Variants in DAAM2 observed in about 807,000 individuals in gnomAD.
The protein encoded by DAAM2 is dishevelled associated activator of morphogenesis 2, also known as disheveled-associated activator of morphogenesis 2.
In DAAM2, 39 loss-of-function variants were observed where a neutral mutation model predicts 120.7. The observed-to-expected ratio is 0.32, with a 90% CI of 0.25 to 0.42. The LOEUF (loss-of-function observed/expected upper bound fraction) is 0.42. Ranked by LOEUF, DAAM2 falls within the 10% of genes least tolerant of loss-of-function variation. The probability of loss-of-function intolerance (pLI) is 1.00; values close to 1 mark genes in which losing one functional copy is unlikely to be tolerated. For missense variants in DAAM2, 1,283 were observed against 1,401.7 expected (o/e 0.92, Z 1.35); for synonymous variants, 488 against 524.9 (o/e 0.93, Z 0.96).
At chr6:39,846,599 A>G (rs573556705) in intron 1 of DAAM2, among the ~76,000 whole-genome samples, 22 of 152,222 alleles carry the variant, frequency 1.4e-4, no homozygotes, top group Non-Finnish European at 2.6e-4. Flanking sequence ...GTTTATGAGC[A>G]GAAGGTTTAG....
Position 39,903,398 on chromosome 6 carries a change from T to C in DAAM2, c.*1361T>C, listed in dbSNP as rs1422612408. ...GTTCTTCAGCCCAACTTGCAAGGGGTTCCTTCTGGTCCTCCCATCCACTGC... is the reference window on the plus strand; with the variant it reads ...GTTCTTCAGCCCAACTTGCAAGGGGCTCCTTCTGGTCCTCCCATCCACTGC... On this transcript the variant is annotated 3_prime_UTR_variant, in exon 25 of 25. Coordinates refer to ENST00000274867, the MANE Select transcript of DAAM2 (RefSeq NM_001201427.2). 6.6e-6 allele frequency: 1 copy of C among 152,208 alleles called. No individual in the cohort carries two copies. The highest frequency in any genetic ancestry group is 1.9e-4 in the East Asian group (1 of 5,198). 9.4% of individuals were successfully genotyped at this position (152,208 alleles called of 1,614,324 possible).
intron 1 of DAAM2, among the ~76,000 whole-genome samples, chr6:39,810,412 A>G (rs1168820780): frequency 1.3e-5 from 2 of 152,250 alleles, no homozygotes; most frequent in Non-Finnish European, 2.9e-5. Context: ...ATTCTAAGCA[A>G]CAAGCCACTT....
At chr6:39,834,194 C>G (rs1157926531) in intron 1 of DAAM2, among the ~76,000 whole-genome samples, 1 of 152,080 alleles carries the variant, frequency 6.6e-6, no homozygotes, top group African/African-American at 2.4e-5. Flanking sequence ...GTTGGCTCCA[C>G]CAGGGGTAAA....
intron 21 of DAAM2, among the ~76,000 whole-genome samples, chr6:39,897,657 C>T (rs1361115279): frequency 6.6e-6 from 1 of 152,118 alleles, no homozygotes; most frequent in Admixed American, 6.5e-5. Flanking sequence ...CTGAGTGGTC[C>T]TCTGGGTGCA....
In DAAM2 at chr6:39,883,757, G is replaced by C. The variant is rs1340566459; in HGVS notation, c.1846-205G>C. On this transcript the variant is annotated intron_variant, in intron 14 of 24. Transcript: ENST00000274867. Reference sequence around the variant, plus strand: ...TGGCTCCATGCACAAGGGAGGAAAAGGGGGTTGTCTCTGGCCTCTACCCTG... The same window carrying C: ...TGGCTCCATGCACAAGGGAGGAAAACGGGGTTGTCTCTGGCCTCTACCCTG... The C allele has an allele frequency of 9.2e-6, 5 of 541,774 alleles. No homozygotes were observed. The South Asian group carries it at 1.4e-4, about 16-fold the overall frequency. 33.6% of individuals were successfully genotyped at this position (541,774 alleles called of 1,614,324 possible).
rs3004071 is a variant in DAAM2, at chr6:39,902,237, T to C, written c.*200T>C. 270,756 of 457,156 alleles carry C rather than the reference T, an allele frequency of 0.59. 82,204 individuals are homozygous for C. Among genetic ancestry groups the C allele is most frequent in the East Asian group, 0.83 (24,053 of 28,920 alleles). 28.3% of individuals were successfully genotyped at this position (457,156 alleles called of 1,614,324 possible). A position where few individuals can be genotyped will look rare whatever the true frequency, so the allele number is the denominator to read the frequency against. ...GGGCTCCTCTTATCTCCCCTTCACA[T>C]GATTCCTTCTGTGCCCTGGCCCCAG... On this transcript the variant is annotated 3_prime_UTR_variant, in exon 25 of 25. Coordinates refer to ENST00000274867, the MANE Select transcript of DAAM2 (RefSeq NM_001201427.2).
chr6:39,869,753 CTTTTTTTTTTTT>C (rs531295826), intron 7 of DAAM2, among the ~76,000 whole-genome samples: 2 of 102,036 alleles, frequency 2.0e-5, no homozygotes, highest in Admixed American at 1.1e-4. Flanking sequence ...CGCCAGCATA[CTTTTTTTTTTTT>C]TTTTTTTTTT....
intron 5 of DAAM2, chr6:39,867,194 C>G (rs998298786): frequency 3.2e-6 from 1 of 309,796 alleles, no homozygotes; most frequent in Non-Finnish European, 6.1e-6. Flanking sequence ...AATCTCCATC[C>G]TCACTGGAGA....
chr6:39,861,298 ACT>A (rs983852510), intron 3 of DAAM2: 20 of 467,178 alleles, frequency 4.3e-5, no homozygotes, highest in African/African-American at 3.9e-4. Context: ...CAGAGTCTGG[ACT>A]CTCTCGTGCC....
In DAAM2 at chr6:39,817,981, C is replaced by T. The variant is rs141159938; in HGVS notation, c.-57+25516C>T. Among the ~76,000 whole-genome samples the T allele has an allele frequency of 6.0e-3, 911 of 152,094 alleles. 6 individuals carry two copies. The highest frequency in any genetic ancestry group is 0.014 in the Middle Eastern group (4 of 294). On this transcript the variant is annotated intron_variant, in intron 1 of 24. Coordinates refer to ENST00000274867, the MANE Select transcript of DAAM2 (RefSeq NM_001201427.2). ...ATCACCTGAGGTCAGGAGTTTGAGA[C>T]GAGTCTGGCCAGCATGGTGAATTCC...
intron 1 of DAAM2, among the ~76,000 whole-genome samples, chr6:39,852,573 G>A (rs1320690307): frequency 6.6e-6 from 1 of 152,218 alleles, no homozygotes; most frequent in Non-Finnish European, 1.5e-5. Context: ...TGGCGATGAT[G>A]GGAATGGAGG....
chr6:39,889,947 G>A (rs1582748445), intron 17 of DAAM2, among the ~76,000 whole-genome samples: 1 of 152,230 alleles, frequency 6.6e-6, no homozygotes, highest in South Asian at 2.1e-4. Context: ...GGCCAGTATG[G>A]TGAGACCCCA....
intron 14 of DAAM2, 70 bp downstream of exon 14, chr6:39,879,547 G>A (rs763961549): frequency 1.9e-5 from 31 of 1,595,914 alleles, no homozygotes; most frequent in Middle Eastern, 1.7e-4. Flanking sequence ...GGGACCACCC[G>A]CCCCTTGTTT....
chr6:39,893,361 C>CA (rs954508775), intron 19 of DAAM2, among the ~76,000 whole-genome samples: 102 of 151,960 alleles, frequency 6.7e-4, no homozygotes, highest in Middle Eastern at 6.8e-3. Flanking sequence ...CTAAAAAATA[C>CA]AAAAAAATTA....
chr6:39,842,259 T>A (rs145595083), intron 1 of DAAM2, among the ~76,000 whole-genome samples: 1 of 152,336 alleles, frequency 6.6e-6, no homozygotes, highest in Non-Finnish European at 1.5e-5. Context: ...ACTGAGGACC[T>A]GCTGCACACA....
Position 39,798,695 on chromosome 6 carries a change from CTG to C in DAAM2, c.-57+6232_-57+6233del, listed in dbSNP as rs376300172. ...AAATCTAGTCTCAAGAACAGTGCAC[CTG>C]TATACATAGTTCTTTCTACCTGAAA... On this transcript the variant is annotated intron_variant, in intron 1 of 24. Coordinates refer to ENST00000274867, the MANE Select transcript of DAAM2 (RefSeq NM_001201427.2). Among the ~76,000 whole-genome samples the C allele has an allele frequency of 3.0e-3, 450 of 152,284 alleles. 3 individuals are homozygous for C. The highest frequency in any genetic ancestry group is 0.025 in the South Asian group (120 of 4,822).
rs774422861 is a variant in DAAM2, at chr6:39,865,033, C to T, written c.387C>T (p.Val129=). The change falls in exon 5 of 25, where the codon GTC becomes GTT. Residue 129 remains valine (V), a synonymous_variant. Coordinates refer to ENST00000274867, the MANE Select transcript of DAAM2 (RefSeq NM_001201427.2). ...DEEETEMRNQ[V]VEDLKTALRT... ...AGGAGACGGAGATGAGGAACCAAGT[C>T]GTGGAAGACCTGAAGACAGCCCTCC... The T allele has an allele frequency of 8.1e-6, 13 of 1,606,510 alleles. No homozygotes were observed. Among genetic ancestry groups the T allele is most frequent in the South Asian group, 5.6e-5 (5 of 89,084 alleles).
At chr6:39,796,958 G>C (rs572284639) in intron 1 of DAAM2, among the ~76,000 whole-genome samples, 35 of 152,292 alleles carry the variant, frequency 2.3e-4, no homozygotes, top group African/African-American at 8.4e-4. Flanking sequence ...TTCTAAGTCC[G>C]TGAAAATACA....
chr6:39,852,614 C>T (rs777011340), intron 1 of DAAM2, among the ~76,000 whole-genome samples: 2 of 152,220 alleles, frequency 1.3e-5, no homozygotes, highest in South Asian at 2.1e-4. Flanking sequence ...CCTCTAGTGT[C>T]GCCCAGTGTG....
Sources: gnomAD v4.1 joint callset for allele counts (sites outside exome capture counted in the v4.1 genomes callset) on GRCh38, gnomAD v4.1.1 for gene constraint, MANE v1.5 for transcripts, NCBI Gene and HGNC (gene_info 2026-07-23, HGNC 2026-07-21) for gene names.